Variants in DCC observed in about 807,000 individuals in gnomAD.
DCC encodes DCC netrin 1 receptor, also known as netrin receptor DCC.
DCC carries 58 observed loss-of-function variants against 172.5 expected under a neutral mutation model. The ratio of observed to expected loss-of-function variants is 0.34; its 90% CI spans 0.27 to 0.42. The LOEUF (loss-of-function observed/expected upper bound fraction) is 0.42, where lower values mean the gene tolerates loss of function less well. Among genes scored for constraint, DCC ranks in the 10% least tolerant of loss-of-function variants. DCC has a pLI of 1.00. For synonymous variants in DCC, 709 were observed against 644.5 expected (o/e 1.10, Z -1.52); for missense variants, 1,740 against 1,791.0 (o/e 0.97, Z 0.51).
At chr18:52,536,942 A>G (rs1338502299) in intron 1 of DCC, among the ~76,000 whole-genome samples, 1 of 152,158 alleles carries the variant, frequency 6.6e-6, no homozygotes, top group Non-Finnish European at 1.5e-5. Flanking sequence ...TATTTTCTTC[A>G]TGGAAGGTTT....
At chr18:52,765,339 C>G (rs1310642770) in intron 2 of DCC, among the ~76,000 whole-genome samples, 1 of 151,988 alleles carries the variant, frequency 6.6e-6, no homozygotes, top group Non-Finnish European at 1.5e-5. Flanking sequence ...GCCACTGCAC[C>G]CAGACTCTAG....
At chr18:52,853,506 C>A (rs1222040095) in intron 2 of DCC, among the ~76,000 whole-genome samples, 2 of 152,162 alleles carry the variant, frequency 1.3e-5, no homozygotes, top group Admixed American at 1.3e-4. Flanking sequence ...ACCAGATGTT[C>A]TGATTTCATC....
At chr18:52,975,171 C>T (rs72928124) in intron 5 of DCC, among the ~76,000 whole-genome samples, 5,358 of 152,192 alleles carry the variant, frequency 0.035, 125 homozygotes, top group African/African-American at 0.054. Flanking sequence ...ATATAATTAT[C>T]TTTTTACAGT....
At chr18:53,193,254 C>T (rs577922069) in intron 9 of DCC, among the ~76,000 whole-genome samples, 25 of 152,154 alleles carry the variant, frequency 1.6e-4, no homozygotes, top group African/African-American at 5.8e-4. Context: ...GACCTGCCCC[C>T]GAGAATTTTT....
chr18:53,258,517 C>A (rs1031936622), intron 12 of DCC, among the ~76,000 whole-genome samples: 1 of 151,848 alleles, frequency 6.6e-6, no homozygotes. Context: ...TGTAGTTGAG[C>A]GGTTTTGAGT....
At chr18:52,802,643 C>CTTTTTTTTTTTT (rs776080029) in intron 2 of DCC, among the ~76,000 whole-genome samples, 1 of 38,202 alleles carries the variant, frequency 2.6e-5, no homozygotes, top group African/African-American at 9.2e-5. Context: ...CACGCCAAGC[C>CTTTTTTTTTTTT]TTTTTTTTTT....
intron 2 of DCC, among the ~76,000 whole-genome samples, chr18:52,847,785 A>G (rs1030593): frequency 0.3 from 46,047 of 152,080 alleles, 7,303 homozygotes; most frequent in Admixed American, 0.35. Flanking sequence ...GCTAGTGTGA[A>G]GCAATCTGAA....
At chr18:52,582,345 C>G (rs1374895447) in intron 1 of DCC, among the ~76,000 whole-genome samples, 1 of 152,150 alleles carries the variant, frequency 6.6e-6, no homozygotes, top group African/African-American at 2.4e-5. Flanking sequence ...CAGTTTGGCA[C>G]GCACAATTTC....
intron 1 of DCC, among the ~76,000 whole-genome samples, chr18:52,465,378 T>G (rs890173841): frequency 6.6e-6 from 1 of 152,100 alleles, no homozygotes; most frequent in Non-Finnish European, 1.5e-5. Context: ...TTCTCCCCGT[T>G]TCTCTTGGGT....
chr18:52,566,077 C>G (rs1005110418), intron 1 of DCC, among the ~76,000 whole-genome samples: 7 of 152,062 alleles, frequency 4.6e-5, no homozygotes, highest in Non-Finnish European at 1.0e-4. Context: ...TTTCCCAACA[C>G]CATTTATTAA....
chr18:52,531,455 A>G (rs1195558992), intron 1 of DCC, among the ~76,000 whole-genome samples: 1 of 152,186 alleles, frequency 6.6e-6, no homozygotes, highest in Non-Finnish European at 1.5e-5. Flanking sequence ...ATTTAAATAT[A>G]TTTGAAAGTA....
intron 7 of DCC, among the ~76,000 whole-genome samples, chr18:53,105,408 A>G (rs1165618583): frequency 6.6e-6 from 1 of 151,996 alleles, no homozygotes; most frequent in African/African-American, 2.4e-5. Context: ...TTAGTCACAG[A>G]GTGTTTAGCC....
At chr18:52,924,210 A>T (rs1164337714) in intron 4 of DCC, among the ~76,000 whole-genome samples, 1 of 152,108 alleles carries the variant, frequency 6.6e-6, no homozygotes, top group Non-Finnish European at 1.5e-5. Flanking sequence ...TCTGTGTCAC[A>T]CACAAAAGAT....
At chr18:52,932,465 G>A (rs934430499) in intron 5 of DCC, among the ~76,000 whole-genome samples, 8 of 152,142 alleles carry the variant, frequency 5.3e-5, no homozygotes, top group African/African-American at 1.9e-4. Flanking sequence ...CTTGTGTACT[G>A]TCCTTACACA....
intron 27 of DCC, among the ~76,000 whole-genome samples, chr18:53,507,508 T>G (rs1302152926): frequency 6.6e-6 from 1 of 152,196 alleles, no homozygotes; most frequent in Non-Finnish European, 1.5e-5. Context: ...TTGTGTGTGT[T>G]CCAGCATTGA....
At chr18:52,769,409 T>C (rs981458751) in intron 2 of DCC, among the ~76,000 whole-genome samples, 1 of 151,342 alleles carries the variant, frequency 6.6e-6, no homozygotes. Flanking sequence ...CTTTTACCTG[T>C]TTTAAAATTG....
At chr18:53,228,807 C>G (rs1055565369) in intron 12 of DCC, among the ~76,000 whole-genome samples, 2 of 152,130 alleles carry the variant, frequency 1.3e-5, no homozygotes, top group Non-Finnish European at 1.5e-5. Context: ...AAACCAGTTA[C>G]TTGTTTAAAA....
intron 2 of DCC, among the ~76,000 whole-genome samples, chr18:52,863,928 T>C (rs567722978): frequency 2.2e-4 from 34 of 152,228 alleles, no homozygotes; most frequent in South Asian, 1.9e-3. Context: ...AAGCTAACAA[T>C]ATTAAACTAG....
intron 26 of DCC, among the ~76,000 whole-genome samples, chr18:53,490,135 C>T (rs1041575876): frequency 1.3e-5 from 2 of 152,046 alleles, no homozygotes; most frequent in Non-Finnish European, 2.9e-5. Context: ...TGTTCTCCCT[C>T]AAATGGGAAA....
Sources: gnomAD v4.1 joint callset for allele counts (sites outside exome capture counted in the v4.1 genomes callset) on GRCh38, gnomAD v4.1.1 for gene constraint, MANE v1.5 for transcripts, NCBI Gene and HGNC (gene_info 2026-07-23, HGNC 2026-07-21) for gene names.